The following SEC31A variants were observed in gnomAD, a reference collection of about 807,000 sequenced individuals.
SEC31A encodes the protein SEC31 homolog A, COPII component.
Under a neutral mutation model 151.0 loss-of-function variants are expected in SEC31A, and 70 were observed. That is an observed-to-expected ratio of 0.46 (90% CI 0.38 to 0.57). The LOEUF is 0.57. SEC31A is among the 20% of genes least tolerant of loss of function. SEC31A has a pLI of 0.00. For synonymous variants in SEC31A, 475 were observed against 505.9 expected, an observed-to-expected ratio of 0.94 and a Z score of 0.82; for missense variants, 1,330 against 1,471.2, an observed-to-expected ratio of 0.90 and a Z score of 1.57.
chr4:82,826,348 T>C (rs1402971570), intron 24 of SEC31A, among the ~76,000 whole-genome samples: 1 of 148,884 alleles, frequency 6.7e-6, no homozygotes, highest in African/African-American at 2.4e-5. Context: ...CTTAGGCATA[T>C]TATCTCTTTT....
intron 7 of SEC31A, 138 bp downstream of exon 7, chr4:82,871,806 T>G (rs1736739484): frequency 9.2e-7 from 1 of 1,084,860 alleles, no homozygotes; most frequent in Non-Finnish European, 1.3e-6. Flanking sequence ...GCCACTGCAC[T>G]CCAGCCTAAG....
chr4:82,842,001 C>A (rs1729017203), intron 22 of SEC31A, 139 bp downstream of exon 22: 1 of 688,862 alleles, frequency 1.5e-6, no homozygotes, highest in Non-Finnish European at 2.3e-6. Context: ...ACAAAAAACA[C>A]AAAAAACAAA....
intron 21 of SEC31A, 30 bp from the exon 22 acceptor site, chr4:82,842,511 A>T (rs780074617): frequency 2.0e-6 from 3 of 1,527,246 alleles, no homozygotes; most frequent in Admixed American, 2.0e-5. Flanking sequence ...CAGAAATTTC[A>T]ATTAGTTACA....
chr4:82,827,503 G>T lies in SEC31A; in HGVS notation c.3157C>A (p.Pro1053Thr). 2 of 1,614,190 alleles carry T rather than the reference G, an allele frequency of 1.2e-6. No individual in the cohort carries two copies. The highest frequency in any genetic ancestry group is 8.5e-7 in the Non-Finnish European group (1 of 1,180,034). ...TGGCCACCTGGAAGATGTGGCTGTG[G>T]GAATGAAGACTGGCTTGACAGTGGT... ...PVPLSSQSSF[P>T]QPHLPGGQPF... is the part of the protein sequence containing the mutation. Residue 1053 changes from proline (P) to threonine (T), a missense_variant, in exon 24 of 27, where the codon CCA becomes ACA. Coordinates refer to ENST00000395310, the MANE Select transcript of SEC31A (RefSeq NM_001077207.4).
At chr4:82,865,184 G>T (rs2149520896) in intron 10 of SEC31A, among the ~76,000 whole-genome samples, 1 of 152,260 alleles carries the variant, frequency 6.6e-6, no homozygotes, top group Non-Finnish European at 1.5e-5. Context: ...ATGAAATCAA[G>T]CTATTAGAAG....
In SEC31A at chr4:82,878,825, G is replaced by T. The variant is rs1168893325; in HGVS notation, c.307C>A (p.Pro103Thr). Residue 103 changes from proline (P) to threonine (T), a missense_variant, in exon 4 of 27, where the codon CCT becomes ACT. Pro to Thr is a conservative substitution (Grantham distance 38). Coordinates refer to ENST00000395310, the MANE Select transcript of SEC31A (RefSeq NM_001077207.4). ...GENGNIILYD[P>T]SKIIAGDKEV... ...TTGTCTCCAGCTATAATTTTAGAAG[G>T]ATCATAGAGAATAATATTTCCATTT... is the stretch of plus-strand genomic sequence containing the variant. 6.2e-7 allele frequency: 1 copy of T among 1,613,648 alleles called. No individual in the cohort carries two copies. The highest frequency in any genetic ancestry group is 1.7e-5 in the Admixed American group (1 of 60,010).
At chr4:82,823,890 A>G (rs575653312) in intron 25 of SEC31A, among the ~76,000 whole-genome samples, 1 of 152,322 alleles carries the variant, frequency 6.6e-6, no homozygotes, top group Admixed American at 6.5e-5. Flanking sequence ...GAGAGGCAGT[A>G]TAGCTTGGTG....
chr4:82,874,770 T>C lies in SEC31A; in HGVS notation c.499-19A>G, dbSNP rs779249057. On this transcript the variant is annotated intron_variant, in intron 5 of 26. Transcript: ENST00000395310. ...CTGGCGGCTACAAGGAAGAAACAGT[T>C]AATAAAAACTGCTTGTTTCTCTATT... 6.3e-7 allele frequency: 1 copy of C among 1,587,000 alleles called. No homozygotes were observed. Among genetic ancestry groups the C allele is most frequent in the Non-Finnish European group, 8.5e-7 (1 of 1,173,660 alleles).
At chr4:82,899,901 T>C (rs988155025) in intron 2 of SEC31A, 1 of 152,540 alleles carries the variant, frequency 6.6e-6, no homozygotes, top group Non-Finnish European at 1.5e-5. Flanking sequence ...CACTGGCCCG[T>C]TTCCTTCTCT....
chr4:82,899,332 C>T (rs986148123), intron 3 of SEC31A, among the ~76,000 whole-genome samples: 10 of 152,184 alleles, frequency 6.6e-5, no homozygotes, highest in African/African-American at 2.4e-4. Flanking sequence ...ACACTTTAAA[C>T]CAATTAGTTG....
upstream of SEC31A, chr4:82,895,567 G>A (rs1720029384): frequency 6.6e-6 from 1 of 152,198 alleles, no homozygotes; most frequent in South Asian, 2.1e-4. Context: ...AGCTGGAAGA[G>A]TAAGGAAAAG....
chr4:82,827,253 G>T, intron 24 of SEC31A, 116 bp downstream of exon 24: 2 of 1,190,294 alleles, frequency 1.7e-6, no homozygotes. Flanking sequence ...ACTATTTTTT[G>T]TTTAGGTTGT....
In SEC31A at chr4:82,856,935, T is replaced by C. The variant is rs1732820014; in HGVS notation, c.1881+17A>G. 2 of 1,587,216 alleles carry C rather than the reference T, an allele frequency of 1.3e-6. No homozygotes were observed. The highest frequency in any genetic ancestry group is 1.9e-5 in the Admixed American group (1 of 53,156). On this transcript the variant is annotated intron_variant, in intron 16 of 26. Coordinates refer to ENST00000395310, the MANE Select transcript of SEC31A (RefSeq NM_001077207.4). Reference sequence around the variant, plus strand: ...AGAAAGATAAATACGTTATTGCTTATTTTTAAAATAACATACCCTGGTAAT... The same window carrying C: ...AGAAAGATAAATACGTTATTGCTTACTTTTAAAATAACATACCCTGGTAAT...
Position 82,819,223 on chromosome 4 carries a change from T to C in SEC31A, c.3514A>G (p.Asn1172Asp), listed in dbSNP as rs776486642. 1.0e-5 allele frequency: 16 copies of C among 1,598,476 alleles called. No homozygotes were observed. The highest frequency in any genetic ancestry group is 6.0e-6 in the Non-Finnish European group (7 of 1,173,444). Residue 1172 changes from asparagine (N) to aspartate (D), a missense_variant, in exon 27 of 27, where the codon AAC becomes GAC. Physicochemically the swap from Asn to Asp is conservative, Grantham distance 23. Transcript: ENST00000395310. ...CGAGTTTCAATGCTCCTTGCAATGT[T>C]GTGTAAACCACTGGTGATTGTTGGT... Reference protein sequence around the residue: ...LSPTITSGLHNIARSIETRNY... With the variant: ...LSPTITSGLHDIARSIETRNY...
intron 14 of SEC31A, among the ~76,000 whole-genome samples, 193 bp downstream of exon 14, chr4:82,861,438 T>C (rs1177234886): frequency 2.0e-5 from 3 of 152,198 alleles, no homozygotes; most frequent in African/African-American, 4.8e-5. Flanking sequence ...AGAAACAAGG[T>C]TGGAGAACTA....
intron 2 of SEC31A, 111 bp downstream of exon 2, chr4:82,881,747 T>C (rs1302846042): frequency 2.5e-6 from 2 of 785,934 alleles, no homozygotes; most frequent in Non-Finnish European, 4.4e-6. Context: ...TGTCAGTAAC[T>C]TGCCAGGGAG....
chr4:82,857,667 A>G (rs376318908), intron 15 of SEC31A, 22 bp downstream of exon 15: 234 of 1,472,284 alleles, frequency 1.6e-4, no homozygotes, highest in Non-Finnish European at 2.1e-4. Context: ...AAAATTAGAA[A>G]TCAAAACCAA....
intron 1 of SEC31A, among the ~76,000 whole-genome samples, chr4:82,887,898 T>G (rs1470188599): frequency 6.7e-6 from 1 of 150,034 alleles, no homozygotes; most frequent in Non-Finnish European, 1.5e-5. Flanking sequence ...TACAAAAAAT[T>G]AGCCGGGCGC....
chr4:82,844,045 G>T, intron 21 of SEC31A: 1 of 275,194 alleles, frequency 3.6e-6, no homozygotes, highest in Non-Finnish European at 6.7e-6. Context: ...AATAATTTGT[G>T]TCATCTTGCC....
Sources: gnomAD v4.1 joint callset for allele counts (sites outside exome capture counted in the v4.1 genomes callset) on GRCh38, gnomAD v4.1.1 for gene constraint, MANE v1.5 for transcripts, NCBI Gene and HGNC (gene_info 2026-07-23, HGNC 2026-07-21) for gene names.